SDHAF3: variants seen among roughly 807,000 people sequenced by gnomAD.
SDHAF3 encodes the protein succinate dehydrogenase assembly factor 3, mitochondrial.
Under a neutral mutation model 11.5 loss-of-function variants are expected in SDHAF3, and 18 were observed. The observed-to-expected ratio is 1.56, with a 90% confidence interval of 1.08 to 2.32. The LOEUF is 2.32. Ranked by LOEUF, SDHAF3 falls within the 30% of genes most tolerant of loss-of-function variation. The pLI, the probability that SDHAF3 is intolerant of heterozygous loss-of-function variation, is 0.00. For missense variants in SDHAF3, 200 were observed against 154.4 expected, an observed-to-expected ratio of 1.30 and a Z score of -1.57; for synonymous variants, 72 against 59.3, an observed-to-expected ratio of 1.21 and a Z score of -0.99.
chr7:97,149,404 G>A (rs1372437160), intron 1 of SDHAF3, among the ~76,000 whole-genome samples: 1 of 151,900 alleles, frequency 6.6e-6, no homozygotes, highest in Non-Finnish European at 1.5e-5. Context: ...AAAATAAAAA[G>A]CATTGCCAAA....
chr7:97,150,250 T>C (rs1452020494), intron 1 of SDHAF3, among the ~76,000 whole-genome samples: 1 of 152,240 alleles, frequency 6.6e-6, no homozygotes. Flanking sequence ...TGTTGATAGT[T>C]TGATCTGCTC....
intron 1 of SDHAF3, among the ~76,000 whole-genome samples, chr7:97,167,387 T>G (rs1156599106): frequency 2.0e-5 from 3 of 152,236 alleles, no homozygotes; most frequent in Non-Finnish European, 2.9e-5. Flanking sequence ...CTGTTAAGGC[T>G]ACCAAACTGT....
chr7:97,125,399 G>C (rs554910132), intron 1 of SDHAF3, among the ~76,000 whole-genome samples: 2 of 152,306 alleles, frequency 1.3e-5, no homozygotes, highest in African/African-American at 2.4e-5. Context: ...TGCTTTAGCT[G>C]TGTCCCAGAG....
At chr7:97,136,790 ATTG>A (rs1212942365) in intron 1 of SDHAF3, among the ~76,000 whole-genome samples, 21 of 152,298 alleles carry the variant, frequency 1.4e-4, no homozygotes, top group Non-Finnish European at 8.8e-5. Context: ...ACTACTTACT[ATTG>A]TTTGATTAAT....
chr7:97,118,549 CTTTTT>C (rs34297923), intron 1 of SDHAF3, among the ~76,000 whole-genome samples: 1 of 141,646 alleles, frequency 7.1e-6, no homozygotes, highest in Non-Finnish European at 1.6e-5. Context: ...AGTCGTTTGA[CTTTTT>C]TTTTTTTTTT....
In SDHAF3 at chr7:97,124,402, A is replaced by G. The variant is rs191075738; in HGVS notation, c.174+6505A>G. On this transcript the variant is annotated intron_variant, in intron 1 of 1. Transcript: ENST00000432641. ...GCTCTTGTGGTAACTGTAACCTTGT[A>G]GTAATAGTTTGAAGTCAGGTAGCGT... 3.4e-3 allele frequency among the ~76,000 whole-genome samples: 524 copies of G among 152,208 alleles called. 6 individuals are homozygous for G. The highest frequency in any genetic ancestry group is 6.8e-3 in the Middle Eastern group (2 of 294).
chr7:97,140,611 C>T (rs997998007), intron 1 of SDHAF3, among the ~76,000 whole-genome samples: 27 of 152,074 alleles, frequency 1.8e-4, no homozygotes, highest in African/African-American at 5.6e-4. Context: ...TAATTTCTTA[C>T]GCCTGTCTTT....
intron 1 of SDHAF3, among the ~76,000 whole-genome samples, chr7:97,124,468 G>T (rs1295925786): frequency 6.6e-6 from 1 of 152,120 alleles, no homozygotes; most frequent in Non-Finnish European, 1.5e-5. Context: ...GATTGTCTTG[G>T]CTATGCGGGC....
At chr7:97,139,762 T>C (rs62499465) in intron 1 of SDHAF3, among the ~76,000 whole-genome samples, 36,876 of 152,112 alleles carry the variant, frequency 0.24, 4,643 homozygotes, top group East Asian at 0.42. Context: ...ATTTTGTAAT[T>C]TTGTTATTCT....
At chr7:97,124,563 T>C (rs978427523) in intron 1 of SDHAF3, among the ~76,000 whole-genome samples, 2 of 152,212 alleles carry the variant, frequency 1.3e-5, no homozygotes, top group African/African-American at 2.4e-5. Flanking sequence ...AGGAATAGCA[T>C]TGAATGTATA....
chr7:97,132,389 C>T (rs547078733), intron 1 of SDHAF3, among the ~76,000 whole-genome samples: 6 of 151,982 alleles, frequency 3.9e-5, no homozygotes, highest in South Asian at 4.2e-4. Context: ...TTCTTTTTTA[C>T]GTAACCGTTA....
Position 97,170,659 on chromosome 7 carries a change from CTTT to C in SDHAF3, c.175-10347_175-10345del, listed in dbSNP as rs572336938. 3.0e-4 allele frequency among the ~76,000 whole-genome samples: 45 copies of C among 152,004 alleles called. No homozygotes were observed. In the East Asian group the frequency reaches 4.6e-3, roughly 16 times the overall value. ...TAGCCAAGAACTTTCTACGTTCTTG[CTTT>C]TTTTTCTTTTTATCTTTGCTGTGCT... On this transcript the variant is annotated intron_variant, in intron 1 of 1. Transcript: ENST00000432641.
At chr7:97,175,392 A>G (rs1789665259) in intron 1 of SDHAF3, among the ~76,000 whole-genome samples, 2 of 152,090 alleles carry the variant, frequency 1.3e-5, no homozygotes, top group Non-Finnish European at 2.9e-5. Context: ...CCAATATCCA[A>G]TAGTTATCTT....
chr7:97,166,347 C>T (rs562555783), intron 1 of SDHAF3, among the ~76,000 whole-genome samples: 13 of 152,158 alleles, frequency 8.5e-5, no homozygotes, highest in Non-Finnish European at 1.3e-4. Context: ...GTCTGGAAAG[C>T]GGGAAGAACT....
chr7:97,156,758 TC>T (rs577172807), intron 1 of SDHAF3, among the ~76,000 whole-genome samples: 5 of 151,346 alleles, frequency 3.3e-5, no homozygotes, highest in African/African-American at 1.2e-4. Flanking sequence ...CTAAGGATAA[TC>T]TATAAATATT....
intron 1 of SDHAF3, chr7:97,135,650 G>A (rs1791749419): frequency 1.1e-5 from 1 of 87,414 alleles, no homozygotes; most frequent in African/African-American, 5.0e-5. Flanking sequence ...GTGTGTGTGT[G>A]TGTGTGTGTG....
At chr7:97,123,388 C>T (rs1052451498) in intron 1 of SDHAF3, among the ~76,000 whole-genome samples, 1 of 152,106 alleles carries the variant, frequency 6.6e-6, no homozygotes, top group Non-Finnish European at 1.5e-5. Flanking sequence ...CGGTATCCAG[C>T]CTATCGTTGA....
chr7:97,129,551 C>G (rs959538590), intron 1 of SDHAF3, among the ~76,000 whole-genome samples: 3 of 152,142 alleles, frequency 2.0e-5, no homozygotes, highest in Non-Finnish European at 1.5e-5. Flanking sequence ...AAAATAAGCT[C>G]TCGTGATATC....
At chr7:97,134,023 AG>A (rs1791709069) in intron 1 of SDHAF3, among the ~76,000 whole-genome samples, 1 of 152,234 alleles carries the variant, frequency 6.6e-6, no homozygotes, top group African/African-American at 2.4e-5. Context: ...ACTGACGAAG[AG>A]GTCTATAGTT....
Sources: gnomAD v4.1 joint callset for allele counts (sites outside exome capture counted in the v4.1 genomes callset) on GRCh38, gnomAD v4.1.1 for gene constraint, MANE v1.5 for transcripts, NCBI Gene and HGNC (gene_info 2026-07-23, HGNC 2026-07-21) for gene names.